Variants in MEAF6 observed in about 807,000 individuals in gnomAD.
MEAF6 encodes chromatin modification-related protein MEAF6.
MEAF6 carries 15 observed loss-of-function variants against 28.9 expected under a neutral mutation model. The observed-to-expected ratio is 0.52, with a 90% CI of 0.35 to 0.80. The LOEUF is 0.80. Ranked by LOEUF, MEAF6 falls within the 30% of genes least tolerant of loss-of-function variation. MEAF6 has a pLI of 0.01. For synonymous variants in MEAF6, 97 were observed against 88.7 expected, an observed-to-expected ratio of 1.09 and a Z score of -0.53; for missense variants, 178 against 237.5, an observed-to-expected ratio of 0.75 and a Z score of 1.65.
At chr1:37,508,996 C>T (rs1233905261) in intron 4 of MEAF6, among the ~76,000 whole-genome samples, 2 of 152,138 alleles carry the variant, frequency 1.3e-5, no homozygotes, top group Admixed American at 1.3e-4. Context: ...ACTTGGGAGG[C>T]CGAGGCAGGA....
Position 37,494,111 on chromosome 1 carries a change from A to C in MEAF6, c.568-4T>G. The stretch of plus-strand genomic sequence containing the variant: ...ACTAATGTGTCTTCTAATAGTCCTA[A>C]AGAAAGAAAAACAAAAGTCCCAACT... On this transcript the variant is annotated splice_region_variant and splice_polypyrimidine_tract_variant and intron_variant, in intron 6 of 6. Transcript: ENST00000296214. 1.2e-5 allele frequency: 19 copies of C among 1,612,244 alleles called. No individual in the cohort carries two copies. The highest frequency in any genetic ancestry group is 1.6e-5 in the Non-Finnish European group (19 of 1,179,062).
In MEAF6 at chr1:37,506,980, T is replaced by A. The variant is rs149984728; in HGVS notation, c.340+2298A>T. Reference sequence around the variant, plus strand: ...GCAGGTAGACAGGTAAACAGCCATATACTGAATGATCAGCTAAGCCAGGGC... The same window carrying A: ...GCAGGTAGACAGGTAAACAGCCATAAACTGAATGATCAGCTAAGCCAGGGC... On this transcript the variant is annotated intron_variant, in intron 4 of 6. Coordinates refer to ENST00000296214, the MANE Select transcript of MEAF6 (RefSeq NM_001270875.3). 2.0e-5 allele frequency among the ~76,000 whole-genome samples: 3 copies of A among 152,330 alleles called. No individual in the cohort carries two copies. In the South Asian group the frequency reaches 6.2e-4, roughly 32 times the overall value.
In MEAF6 at chr1:37,493,701, C is replaced by T. The variant is rs975069982; in HGVS notation, c.*398G>A. 8.7e-7 allele frequency: 1 copy of T among 1,143,914 alleles called. No homozygotes were observed. The highest frequency in any genetic ancestry group is 1.3e-6 in the Non-Finnish European group (1 of 784,786). The allele number at this position is 1,143,914 out of a possible 1,614,324, so 70.9% of individuals were successfully genotyped here. A position where few individuals can be genotyped will look rare whatever the true frequency, so the allele number is the denominator to read the frequency against. On this transcript the variant is annotated 3_prime_UTR_variant, in exon 7 of 7. Coordinates refer to ENST00000296214, the MANE Select transcript of MEAF6 (RefSeq NM_001270875.3). ...GAAAATGCCAGATATTTACAGCCTC[C>T]ATCTGAAATGTGACTTGTGTTCTAC...
intron 2 of MEAF6, among the ~76,000 whole-genome samples, chr1:37,512,726 C>CA (rs780334877): frequency 6.6e-6 from 1 of 151,690 alleles, no homozygotes; most frequent in African/African-American, 2.4e-5. Flanking sequence ...CCCACTTCTA[C>CA]AAAAAAAAGT....
intron 4 of MEAF6, among the ~76,000 whole-genome samples, chr1:37,504,944 C>T (rs1642434878): frequency 1.3e-5 from 2 of 151,698 alleles, no homozygotes; most frequent in South Asian, 2.1e-4. Flanking sequence ...AGTACAGTGG[C>T]GCGATCTTGG....
Position 37,490,389 on chromosome 1 carries a change from C to T in MEAF6, c.*3710G>A, listed in dbSNP as rs187527814. On this transcript the variant is annotated 3_prime_UTR_variant, in exon 7 of 7. Transcript: ENST00000296214. Reference sequence around the variant, plus strand: ...TGAAAATTCCAATCCCTTCTTTTCACTATCATTGTATCTGACACACACATC... The same window carrying T: ...TGAAAATTCCAATCCCTTCTTTTCATTATCATTGTATCTGACACACACATC... 9.2e-5 allele frequency among the ~76,000 whole-genome samples: 14 copies of T among 152,260 alleles called. No homozygotes were observed. In the East Asian group the frequency reaches 2.7e-3, roughly 29 times the overall value.
intron 4 of MEAF6, among the ~76,000 whole-genome samples, chr1:37,502,518 C>G (rs1642345111): frequency 6.6e-6 from 1 of 150,700 alleles, no homozygotes; most frequent in Admixed American, 6.6e-5. Context: ...ACAGCCCATT[C>G]CTGAATTACT....
chr1:37,510,264 G>GTA (rs983629405), intron 2 of MEAF6, among the ~76,000 whole-genome samples: 2 of 150,514 alleles, frequency 1.3e-5, no homozygotes, highest in African/African-American at 2.4e-5. Flanking sequence ...TGTATCTTTA[G>GTA]TAGAGACGGG....
chr1:37,512,628 C>G (rs766081868), intron 2 of MEAF6, among the ~76,000 whole-genome samples: 1 of 150,536 alleles, frequency 6.6e-6, no homozygotes, highest in Admixed American at 6.6e-5. Context: ...GGTGGCTCAC[C>G]CCTTTAATTC....
At chr1:37,497,261 G>A (rs1642154144) in intron 5 of MEAF6, among the ~76,000 whole-genome samples, 1 of 151,882 alleles carries the variant, frequency 6.6e-6, no homozygotes, top group South Asian at 2.1e-4. Flanking sequence ...TGTTTGAAAC[G>A]GAGTCTCGCT....
chr1:37,505,274 G>T (rs1202645105), intron 4 of MEAF6, among the ~76,000 whole-genome samples: 3 of 152,140 alleles, frequency 2.0e-5, no homozygotes, highest in Non-Finnish European at 4.4e-5. Context: ...GTAAAGGAAA[G>T]AGACAGTTCC....
At chr1:37,501,501 T>C (rs1212548105) in intron 5 of MEAF6, 1 of 243,580 alleles carries the variant, frequency 4.1e-6, no homozygotes, top group Non-Finnish European at 7.8e-6. Context: ...ATTCCATTTC[T>C]ATTTCTCCTT....
chr1:37,512,798 G>T (rs952288088), intron 2 of MEAF6, among the ~76,000 whole-genome samples: 1 of 152,168 alleles, frequency 6.6e-6, no homozygotes, highest in African/African-American at 2.4e-5. Flanking sequence ...AGGCTGAGGT[G>T]GGAGGATCAC....
At chr1:37,513,368 TA>T in intron 2 of MEAF6, 54 bp downstream of exon 2, 1 of 1,450,694 alleles carries the variant, frequency 6.9e-7, no homozygotes, top group Non-Finnish European at 9.7e-7. Context: ...CATACAGTCC[TA>T]AAAACAAACG....
intron 3 of MEAF6, 55 bp from the exon 4 acceptor site, chr1:37,509,378 C>T: frequency 6.2e-7 from 1 of 1,605,310 alleles, no homozygotes; most frequent in Non-Finnish European, 8.5e-7. Flanking sequence ...CAGAAGAGCA[C>T]TCCCAGAGGA....
At chr1:37,496,445 TTAAA>T in intron 5 of MEAF6, 1 of 504,876 alleles carries the variant, frequency 2.0e-6, no homozygotes, top group Non-Finnish European at 3.1e-6. Context: ...GAAAATCAAT[TTAAA>T]TATGAGTTAA....
In MEAF6 at chr1:37,509,461, T is replaced by C; in HGVS notation, c.288A>G (p.Ser96=). 6.2e-7 allele frequency: 1 copy of C among 1,613,700 alleles called. No homozygotes were observed. The highest frequency in any genetic ancestry group is 8.5e-7 in the Non-Finnish European group (1 of 1,179,716). ...CCCCACCACCACTACTTACAGCTGC[T>C]GAGGTAACCGAGGATTTACTGAAGA... ...ERLFSKSSVT[S]AAAVSALAGV... The change falls in exon 3 of 7, where the codon TCA becomes TCG. Residue 96 remains serine (S), a synonymous_variant. Transcript: ENST00000296214.
chr1:37,513,395 AG>A, intron 2 of MEAF6, 27 bp downstream of exon 2: 1 of 1,571,078 alleles, frequency 6.4e-7, no homozygotes, highest in Non-Finnish European at 8.8e-7. Flanking sequence ...AGGGCACAAT[AG>A]GAACACTACA....
rs1642114961 is a variant in MEAF6, at chr1:37,495,814, G to A, written c.567+71C>T. 8.1e-6 allele frequency: 12 copies of A among 1,473,788 alleles called. No homozygotes were observed. In the East Asian group the frequency reaches 2.5e-4, roughly 31 times the overall value. The allele number at this position is 1,473,788 out of a possible 1,614,324, so 91.3% of individuals were successfully genotyped here. ...TCCAGGTTAGGAACACTCAAGCTCT[G>A]AAGACAAATACATTTTTCTAATCAT... On this transcript the variant is annotated intron_variant, in intron 6 of 6. Coordinates refer to ENST00000296214, the MANE Select transcript of MEAF6 (RefSeq NM_001270875.3).
Sources: allele counts gnomAD v4.1 joint callset (sites outside exome capture counted in the v4.1 genomes callset), GRCh38; gene constraint gnomAD v4.1.1; transcripts MANE v1.5; gene names NCBI Gene and HGNC (gene_info 2026-07-23, HGNC 2026-07-21).